The following HTT-AS variants were observed in gnomAD, a reference collection of about 807,000 sequenced individuals.
HTT-AS encodes HTT antisense RNA.
chr4:3,058,006 G>A (rs1256266692), intron 2 of HTT-AS, among the ~76,000 whole-genome samples: 1 of 151,516 alleles, frequency 6.6e-6, no homozygotes, highest in African/African-American at 2.4e-5. Flanking sequence ...CCAGAACTGA[G>A]GGTTTCTCCC....
chr4:3,070,979 GA>G (rs1484324997), intron 1 of HTT-AS, among the ~76,000 whole-genome samples: 3 of 152,130 alleles, frequency 2.0e-5, no homozygotes, highest in Admixed American at 1.3e-4. Flanking sequence ...ACTTTTCTGT[GA>G]ACTTTAAAAA....
At chr4:3,048,207 T>C (rs562433436), downstream of HTT-AS, among the ~76,000 whole-genome samples, 3 of 152,278 alleles carry the variant, frequency 2.0e-5, no homozygotes, top group Admixed American at 1.3e-4. Flanking sequence ...ACAGGCCCAG[T>C]AGGGCTGGAC....
At chr4:3,070,665 G>T (rs959449480) in intron 1 of HTT-AS, among the ~76,000 whole-genome samples, 7 of 152,046 alleles carry the variant, frequency 4.6e-5, no homozygotes, top group Non-Finnish European at 8.8e-5. Flanking sequence ...GTGTGTAGTC[G>T]GCTAGCATGT....
intron 2 of HTT-AS, among the ~76,000 whole-genome samples, chr4:3,056,730 CCTTTT>C (rs746580008): frequency 1.4e-4 from 21 of 152,150 alleles, no homozygotes; most frequent in Non-Finnish European, 2.9e-4. Flanking sequence ...CTAGGTATTT[CCTTTT>C]CTTTTCTTTC....
At chr4:3,057,992 A>G (rs542632222) in intron 2 of HTT-AS, among the ~76,000 whole-genome samples, 3 of 151,890 alleles carry the variant, frequency 2.0e-5, no homozygotes, top group East Asian at 3.9e-4. Flanking sequence ...GGGGTGGGCA[A>G]TTCCCAGAAC....
chr4:3,068,233 G>C (rs1001855785), intron 1 of HTT-AS, among the ~76,000 whole-genome samples: 1 of 149,866 alleles, frequency 6.7e-6, no homozygotes, highest in Non-Finnish European at 1.5e-5. Context: ...GTGAACCCGG[G>C]AGGCGGAGCT....
downstream of HTT-AS, among the ~76,000 whole-genome samples, chr4:3,047,181 T>G (rs886625331): frequency 9.9e-4 from 150 of 152,054 alleles, no homozygotes; most frequent in Middle Eastern, 3.4e-3. Flanking sequence ...CGTGGTGGCG[T>G]GCACCTGTAG....
intron 1 of HTT-AS, among the ~76,000 whole-genome samples, chr4:3,066,688 C>A (rs888613691): frequency 6.6e-6 from 1 of 152,204 alleles, no homozygotes; most frequent in Admixed American, 6.5e-5. Context: ...AAAACTGGAA[C>A]TTGGATTAAG....
At chr4:3,069,684 G>A (rs933572726) in intron 1 of HTT-AS, among the ~76,000 whole-genome samples, 4 of 152,202 alleles carry the variant, frequency 2.6e-5, no homozygotes, top group Admixed American at 2.6e-4. Context: ...AAACAGGACA[G>A]ATGAAGGAGG....
chr4:3,051,792 C>T (rs111543532), intron 2 of HTT-AS, among the ~76,000 whole-genome samples: 1,532 of 150,672 alleles, frequency 0.01, 22 homozygotes, highest in African/African-American at 0.03. Context: ...TAAAAAGGGG[C>T]GCCTTAGGAT....
At chr4:3,067,737 G>A (rs1712081903) in intron 1 of HTT-AS, among the ~76,000 whole-genome samples, 2 of 152,146 alleles carry the variant, frequency 1.3e-5, no homozygotes, top group Non-Finnish European at 2.9e-5. Context: ...TCACCGAGGG[G>A]GATCTGCGTT....
rs563024282 is a variant in HTT-AS at position 3,068,653 on chromosome 4, C to CTT, written n.114-4955_114-4954dup. 3.9e-4 allele frequency among the ~76,000 whole-genome samples: 54 copies of CTT among 139,142 alleles called. 2 individuals are homozygous for CTT. Among genetic ancestry groups the CTT allele is most frequent in the African/African-American group, 6.0e-4 (22 of 36,858 alleles). 91.3% of individuals were successfully genotyped at this position (139,142 alleles called of 152,430 possible). ...TTTTGTAACATATATGTGTGTGTAGCTTTTTTTTTTTTTTTTGTCAAGATG... is the reference window on the plus strand; with the variant it reads ...TTTTGTAACATATATGTGTGTGTAGCTTTTTTTTTTTTTTTTTTGTCAAGATG... On this transcript the variant is annotated intron_variant and non_coding_transcript_variant, in intron 1 of 2. Coordinates refer to ENST00000664062, the Ensembl canonical transcript of HTT-AS.
At chr4:3,062,461 G>A (rs1184363985) in exon 2 of HTT-AS, among the ~76,000 whole-genome samples, 2 of 152,010 alleles carry the variant, frequency 1.3e-5, no homozygotes, top group Non-Finnish European at 2.9e-5. Flanking sequence ...GTGTGAGCCC[G>A]GACTTCGATT....
At chr4:3,054,860 A>G (rs558711886) in intron 2 of HTT-AS, among the ~76,000 whole-genome samples, 1 of 151,964 alleles carries the variant, frequency 6.6e-6, no homozygotes, top group East Asian at 2.0e-4. Flanking sequence ...GATTATAGGC[A>G]CTTGCCAGCA....
chr4:3,062,398 C>T (rs976467304), intron 2 of HTT-AS, among the ~76,000 whole-genome samples: 2 of 152,146 alleles, frequency 1.3e-5, no homozygotes, highest in Non-Finnish European at 2.9e-5. Context: ...TCCCTGTTCT[C>T]ATCCCCTGCA....
At chr4:3,058,286 A>G (rs894361427) in intron 2 of HTT-AS, among the ~76,000 whole-genome samples, 1 of 151,832 alleles carries the variant, frequency 6.6e-6, no homozygotes, top group Non-Finnish European at 1.5e-5. Context: ...AGATTGCGCC[A>G]TTGCACTCCA....
At chr4:3,063,805 G>A (rs1357232116) in intron 1 of HTT-AS, 2 of 152,214 alleles carry the variant, frequency 1.3e-5, no homozygotes, top group Admixed American at 6.6e-5. Context: ...CCCAAGCGCT[G>A]GGATTATAGA....
chr4:3,051,987 G>A (rs1711712361), intron 2 of HTT-AS, among the ~76,000 whole-genome samples: 1 of 152,082 alleles, frequency 6.6e-6, no homozygotes, highest in Non-Finnish European at 1.5e-5. Context: ...CCTTCCAAGT[G>A]GAACAGGAAT....
intron 2 of HTT-AS, among the ~76,000 whole-genome samples, chr4:3,061,013 A>G (rs1330531739): frequency 6.6e-6 from 1 of 152,138 alleles, no homozygotes; most frequent in Non-Finnish European, 1.5e-5. Flanking sequence ...GGAGACAGCT[A>G]TTCATTTTTC....
Sources: gnomAD v4.1 joint callset for allele counts (sites outside exome capture counted in the v4.1 genomes callset) on GRCh38, gnomAD v4.1.1 for gene constraint, MANE v1.5 for transcripts, NCBI Gene and HGNC (gene_info 2026-07-23, HGNC 2026-07-21) for gene names.